SYTL5: variants seen among roughly 807,000 people sequenced by gnomAD.
The protein encoded by SYTL5 is synaptotagmin like 5.
SYTL5 carries 34 observed loss-of-function variants against 55.9 expected under a neutral mutation model. The ratio of observed to expected loss-of-function variants is 0.61; its 90% confidence interval spans 0.46 to 0.81. SYTL5 has a LOEUF of 0.81. Ranked by LOEUF, SYTL5 falls within the 30% of genes least tolerant of loss-of-function variation. The pLI is 0.00. For synonymous variants in SYTL5, 221 were observed against 188.7 expected, an observed-to-expected ratio of 1.17 and a Z score of -1.40; for missense variants, 637 against 546.7, an observed-to-expected ratio of 1.17 and a Z score of -1.65.
Position 38,096,174 on chromosome X carries a change from AG to A in SYTL5, c.1003del (p.Glu335LysfsTer7), listed in dbSNP as rs1936932123. The A allele has an allele frequency of 8.4e-7, 1 of 1,195,640 alleles. No homozygotes were observed. Among genetic ancestry groups the A allele is most frequent in the Non-Finnish European group, 1.1e-6 (1 of 885,468 alleles). ...AGTTAGATTTGAGTGAGTCATTTAC[AG>A]AAGACTCAGAGGATACTGTAAGCAT... is the stretch of plus-strand genomic sequence containing the variant. ...SELDLSESFT[E>X]DSEDTVSIRS... On this transcript the variant is annotated frameshift_variant, in exon 9 of 17. Transcript: ENST00000297875. LOFTEE classifies it high-confidence loss of function.
Position 38,076,590 on chromosome X carries a change from C to T in SYTL5, c.578C>T (p.Ser193Leu), listed in dbSNP as rs780939784. 7 of 1,203,763 alleles carry T rather than the reference C, an allele frequency of 5.8e-6. No individual in the cohort carries two copies. Among genetic ancestry groups the T allele is most frequent in the South Asian group, 3.6e-5 (2 of 56,177 alleles). ...AGATTTCTTCTTAGCAAGTTCAGAT[C>T]GGCAACCAGAGGAGAAATCATAACT... The part of the protein sequence containing the change: ...RKGFLLSKFR[S>L]ATRGEIITPK... Residue 193 changes from serine (S) to leucine (L), a missense_variant, in exon 6 of 17, where the codon TCG becomes TTG. Coordinates refer to ENST00000297875, the MANE Select transcript of SYTL5 (RefSeq NM_138780.3).
intron 3 of SYTL5, among the ~76,000 whole-genome samples, chrX:38,066,657 C>T (rs751199130): frequency 3.6e-4 from 40 of 111,479 alleles, no homozygotes; most frequent in Non-Finnish European, 6.2e-4. Context: ...AACATGCACA[C>T]GCACACACAC....
chrX:38,026,475 G>A (rs1472162273), intron 1 of SYTL5, among the ~76,000 whole-genome samples: 1 of 95,130 alleles, frequency 1.1e-5, no homozygotes, highest in African/African-American at 5.9e-5. Context: ...AAGGAATTGG[G>A]GGTGAGTCCA....
At chrX:38,023,245 T>C (rs1356138261) in intron 1 of SYTL5, among the ~76,000 whole-genome samples, 2 of 112,127 alleles carry the variant, frequency 1.8e-5, no homozygotes, top group African/African-American at 6.5e-5. Context: ...TCTTCCCTAT[T>C]GTTTTCTTCT....
the SYTL5 span, among the ~76,000 whole-genome samples, chrX:37,969,758 T>C: frequency 9.0e-6 from 1 of 111,262 alleles, no homozygotes; most frequent in African/African-American, 3.3e-5. Flanking sequence ...CTCAGCCTCC[T>C]GAGTAGGTGG....
At chrX:38,027,919 G>C (rs1280803925) in intron 1 of SYTL5, among the ~76,000 whole-genome samples, 1 of 108,861 alleles carries the variant, frequency 9.2e-6, no homozygotes, top group Non-Finnish European at 1.9e-5. Context: ...TGCCTCCCAG[G>C]TTCAAGTGAT....
chrX:37,917,247 A>T, the SYTL5 span, among the ~76,000 whole-genome samples: 1 of 111,857 alleles, frequency 8.9e-6, no homozygotes, highest in Non-Finnish European at 1.9e-5. Context: ...CTGCATGCCC[A>T]TATTTAAGGA....
Position 38,120,409 on chromosome X carries a change from G to T in SYTL5, c.1648G>T (p.Val550Phe). Reference sequence around the variant, plus strand: ...TCAATACAAAGGAGAGCTGACAGTTGTTTTACGTTACATTCCCCCAGAAGA... The same window carrying T: ...TCAATACAAAGGAGAGCTGACAGTTTTTTTACGTTACATTCCCCCAGAAGA... ...GLQYKGELTV[V>F]LRYIPPEENL... Residue 550 changes from valine (V) to phenylalanine (F), a missense_variant, in exon 14 of 17, where the codon GTT becomes TTT. Val to Phe is a conservative substitution (Grantham distance 50, BLOSUM62 -1). Transcript: ENST00000297875. The T allele has an allele frequency of 1.7e-6, 2 of 1,211,364 alleles. No individual in the cohort carries two copies. The highest frequency in any genetic ancestry group is 1.1e-6 in the Non-Finnish European group (1 of 895,179).
At chrX:38,103,641 G>T (rs1937136550) in intron 10 of SYTL5, among the ~76,000 whole-genome samples, 1 of 110,872 alleles carries the variant, frequency 9.0e-6, no homozygotes, top group Admixed American at 9.6e-5. Flanking sequence ...AACAATTTTT[G>T]TGAGCCAGAA....
the SYTL5 span, among the ~76,000 whole-genome samples, chrX:37,996,200 A>C: frequency 8.9e-6 from 1 of 111,800 alleles, no homozygotes. Flanking sequence ...CGTGGGTTTC[A>C]GAGGAATCGT....
chrX:38,099,421 G>C (rs1602394847), intron 9 of SYTL5, among the ~76,000 whole-genome samples: 1 of 111,041 alleles, frequency 9.0e-6, no homozygotes, highest in East Asian at 2.8e-4. Context: ...AAAAATAATA[G>C]GGATAATAGG....
intron 15 of SYTL5, among the ~76,000 whole-genome samples, chrX:38,124,540 A>G (rs1937606754): frequency 8.9e-6 from 1 of 112,224 alleles, no homozygotes; most frequent in African/African-American, 3.2e-5. Flanking sequence ...CTAGAGCCTC[A>G]TACAGTGTTT....
At position 38,033,902 on chromosome X, in the gene SYTL5, T is replaced by G; in HGVS notation, c.13T>G (p.Ser5Ala). 1 of 1,177,136 alleles carries G rather than the reference T, an allele frequency of 8.5e-7. No homozygotes were observed. The highest frequency in any genetic ancestry group is 1.2e-6 in the Non-Finnish European group (1 of 867,686). Residue 5 changes from serine to alanine, a missense_variant, in exon 2 of 17, where the codon TCA becomes GCA. By Grantham distance (99) the Ser-to-Ala change is moderately conservative. Transcript: ENST00000297875. Reference protein sequence around the residue: MSKNSEFINLSFLLD... With the variant: MSKNAEFINLSFLLD... Reference sequence around the variant, plus strand: ...CTGCTGAAATACCATGTCTAAGAACTCAGAGTTCATCAATCTGTCATTTTT... The same window carrying G: ...CTGCTGAAATACCATGTCTAAGAACGCAGAGTTCATCAATCTGTCATTTTT...
rs185403297 is a variant in SYTL5, at chrX:38,076,556, T to C, written c.555-11T>C. 1.7e-4 allele frequency: 195 copies of C among 1,144,256 alleles called. 1 individual carries two copies. In the African/African-American group the frequency reaches 2.6e-3, roughly 15 times the overall value. The allele number at this position is 1,144,256 out of a possible 1,213,427, so 94.3% of individuals were successfully genotyped here. On this transcript the variant is annotated splice_polypyrimidine_tract_variant and intron_variant, in intron 5 of 16. Coordinates refer to ENST00000297875, the MANE Select transcript of SYTL5 (RefSeq NM_138780.3). ...TCTTATCTAATTTTAAATACATATATATAATTTCAGATTTCTTCTTAGCAA... is the reference window on the plus strand; with the variant it reads ...TCTTATCTAATTTTAAATACATATACATAATTTCAGATTTCTTCTTAGCAA...
intron 1 of SYTL5, among the ~76,000 whole-genome samples, chrX:38,020,441 A>C (rs1156608481): frequency 1.1e-5 from 1 of 88,409 alleles, no homozygotes; most frequent in South Asian, 5.2e-4. Context: ...ATATATATAT[A>C]TATATATATT....
At chrX:37,954,573 C>T in the SYTL5 span, among the ~76,000 whole-genome samples, 2 of 112,139 alleles carry the variant, frequency 1.8e-5, no homozygotes, top group African/African-American at 6.5e-5. Flanking sequence ...GTAGACCTCT[C>T]TATGAAATAA....
At chrX:38,024,309 C>T (rs965369257) in intron 1 of SYTL5, among the ~76,000 whole-genome samples, 2 of 110,839 alleles carry the variant, frequency 1.8e-5, no homozygotes, top group Non-Finnish European at 3.8e-5. Flanking sequence ...ACCCTGCACT[C>T]GCTCTTTTGC....
intron 1 of SYTL5, among the ~76,000 whole-genome samples, chrX:38,010,386 A>G (rs1934137405): frequency 9.0e-6 from 1 of 111,522 alleles, no homozygotes; most frequent in Admixed American, 9.5e-5. Context: ...ATGTACCTAG[A>G]TGAATCCCTC....
At chrX:38,075,086 G>A (rs1331995997) in intron 5 of SYTL5, among the ~76,000 whole-genome samples, 2 of 111,591 alleles carry the variant, frequency 1.8e-5, no homozygotes, top group African/African-American at 6.5e-5. Flanking sequence ...TCTAGGAGTT[G>A]TCATTTGCAG....
Sources: gnomAD v4.1 joint callset for allele counts (sites outside exome capture counted in the v4.1 genomes callset) on GRCh38, gnomAD v4.1.1 for gene constraint, MANE v1.5 for transcripts, NCBI Gene and HGNC (gene_info 2026-07-23, HGNC 2026-07-21) for gene names.